Variants in FOXP1 observed in about 807,000 individuals in gnomAD.
FOXP1 encodes forkhead box P1, also known as forkhead box protein P1.
Under a neutral mutation model 98.2 loss-of-function variants are expected in FOXP1, and 15 were observed. The observed-to-expected ratio is 0.15, with a 90% CI of 0.10 to 0.24. The LOEUF (loss-of-function observed/expected upper bound fraction) is 0.24, where lower values mean the gene tolerates loss of function less well. FOXP1 is among the 10% of genes least tolerant of loss of function. The probability of loss-of-function intolerance (pLI) is 1.00; values close to 1 mark genes in which losing one functional copy is unlikely to be tolerated. For synonymous variants in FOXP1, 371 were observed against 314.5 expected (o/e 1.18, Z -1.90); for missense variants, 633 against 848.5 (o/e 0.75, Z 3.15).
chr3:71,560,433 G>T (rs1429430471), intron 2 of FOXP1, among the ~76,000 whole-genome samples: 1 of 152,154 alleles, frequency 6.6e-6, no homozygotes, highest in African/African-American at 2.4e-5. Context: ...GGAGACACTG[G>T]AACCCTTATA....
At chr3:71,232,815 T>C (rs1044324710) in intron 5 of FOXP1, among the ~76,000 whole-genome samples, 5 of 133,844 alleles carry the variant, frequency 3.7e-5, no homozygotes, top group Non-Finnish European at 6.1e-5. Flanking sequence ...GGAAGATCTC[T>C]TGAGCCCTGG....
rs1352622718 is a variant in FOXP1, at chr3:71,046,989, G to T, written c.617C>A (p.Thr206Lys). ...LLSLQRQGLL[T>K]IQPGQPALPL... ...AAGGGCAGGCTGCCCGGGCTGAATT[G>T]TCAGAAGGCCTTGGCGCTGCAAAGA... The change falls in exon 10 of 21, where the codon ACA becomes AAA. Residue 206 changes from threonine (T) to lysine (K), a missense_variant. By Grantham distance (78) the Thr-to-Lys change is moderately conservative. This residue lies in a region of FOXP1 where 210 missense variants were observed against 270.6 expected (regional missense o/e 0.78). Transcript: ENST00000649528. The T allele has an allele frequency of 6.2e-7, 1 of 1,613,998 alleles. No homozygotes were observed. Among genetic ancestry groups the T allele is most frequent in the African/African-American group, 1.3e-5 (1 of 74,912 alleles).
At chr3:71,214,729 G>A (rs1171728091) in intron 5 of FOXP1, among the ~76,000 whole-genome samples, 2 of 152,094 alleles carry the variant, frequency 1.3e-5, no homozygotes, top group African/African-American at 2.4e-5. Context: ...TGTTGATCAC[G>A]TTCTCCCCCA....
In FOXP1 at chr3:70,958,480, CAGAA is replaced by C; in HGVS notation, c.*763_*766del. The C allele has an allele frequency of 2.5e-6, 1 of 392,994 alleles. No individual in the cohort carries two copies. Among genetic ancestry groups the C allele is most frequent in the Non-Finnish European group, 4.9e-6 (1 of 204,288 alleles). The allele number at this position is 392,994 out of a possible 1,614,324, so 24.3% of individuals were successfully genotyped here. A position where few individuals can be genotyped will look rare whatever the true frequency, so the allele number is the denominator to read the frequency against. ...GTCTGAAGGAAGATGGAATGAGTGA[CAGAA>C]AGCTACAAACGAGAAATGACATTCA... On this transcript the variant is annotated 3_prime_UTR_variant, in exon 21 of 21. Coordinates refer to ENST00000649528, the MANE Select transcript of FOXP1 (RefSeq NM_001349338.3).
intron 3 of FOXP1, among the ~76,000 whole-genome samples, chr3:71,428,971 A>G (rs1423787257): frequency 1.3e-5 from 2 of 152,184 alleles, no homozygotes; most frequent in African/African-American, 4.8e-5. Context: ...AATCAATAAA[A>G]CATCCCTTTG....
At chr3:71,330,270 C>T (rs1577002918) in intron 4 of FOXP1, among the ~76,000 whole-genome samples, 2 of 152,280 alleles carry the variant, frequency 1.3e-5, no homozygotes, top group Admixed American at 1.3e-4. Context: ...GCACAATGAT[C>T]CCACATTTTT....
chr3:71,343,724 A>G (rs2077153811), intron 4 of FOXP1, among the ~76,000 whole-genome samples: 1 of 151,880 alleles, frequency 6.6e-6, no homozygotes, highest in South Asian at 2.1e-4. Context: ...TAGAGATGCG[A>G]TTTCACAAAG....
rs186212710 is a variant in FOXP1, at chr3:71,530,155, G to A, written c.-297-36600C>T. 9.2e-5 allele frequency among the ~76,000 whole-genome samples: 14 copies of A among 152,258 alleles called. No homozygotes were observed. In the East Asian group the frequency reaches 1.7e-3, roughly 19 times the overall value. On this transcript the variant is annotated intron_variant, in intron 2 of 20. Transcript: ENST00000649528. ...TGAATGCATCTCCCTAAGTTTATGC[G>A]TAGAATCTTAATCCCCAGTGCAACA...
Position 71,145,889 on chromosome 3 carries a change from C to T in FOXP1, c.181-33252G>A, listed in dbSNP as rs577715770. Among the ~76,000 whole-genome samples the T allele has an allele frequency of 5.9e-5, 9 of 152,264 alleles. No homozygotes were observed. The South Asian group carries it at 8.3e-4, about 14-fold the overall frequency. ...GAAGGTTCTTTATATATTCTGTACA[C>T]GAGTCCCTTGCTGGAGAAATGATTT... On this transcript the variant is annotated intron_variant, in intron 6 of 20. Transcript: ENST00000649528.
At chr3:71,352,216 A>C (rs2077829089) in intron 4 of FOXP1, among the ~76,000 whole-genome samples, 2 of 152,180 alleles carry the variant, frequency 1.3e-5, no homozygotes, top group South Asian at 4.1e-4. Context: ...CTGTAATCTC[A>C]GCACTTTGGG....
In FOXP1 at chr3:71,397,086, GTATATATATATATACATA is replaced by G. The variant is rs1560425787; in HGVS notation, c.-167-37860_-167-37843del. ...TGTATATATATATACATATATATGTGTATATATATATATACATATATATATATGTGTATATATACACAT... is the reference window on the plus strand; with the variant it reads ...TGTATATATATATACATATATATGTGTATATATATGTGTATATATACACAT... On this transcript the variant is annotated intron_variant, in intron 3 of 20. Coordinates refer to ENST00000649528, the MANE Select transcript of FOXP1 (RefSeq NM_001349338.3). Among the ~76,000 whole-genome samples the G allele has an allele frequency of 2.4e-4, 12 of 49,680 alleles. 1 individual carries two copies. The highest frequency in any genetic ancestry group is 8.7e-4 in the African/African-American group (11 of 12,666). 32.6% of individuals were successfully genotyped at this position (49,680 alleles called of 152,430 possible).
intron 2 of FOXP1, among the ~76,000 whole-genome samples, chr3:71,563,421 T>C (rs1380764136): frequency 6.6e-6 from 1 of 152,214 alleles, no homozygotes; most frequent in East Asian, 1.9e-4. Flanking sequence ...GATCGGCAAC[T>C]GGCTGAGAAC....
intron 6 of FOXP1, among the ~76,000 whole-genome samples, chr3:71,135,292 A>G (rs2059769502): frequency 6.7e-6 from 1 of 149,800 alleles, no homozygotes. Context: ...ATAATCCCCT[A>G]TTAAGAAGAA....
intron 6 of FOXP1, among the ~76,000 whole-genome samples, chr3:71,128,613 T>A (rs2059378650): frequency 6.6e-6 from 1 of 152,160 alleles, no homozygotes; most frequent in Admixed American, 6.5e-5. Flanking sequence ...ATGTTTAGCT[T>A]TAAACATCAG....
In FOXP1 at chr3:71,389,247, G is replaced by C. The variant is rs1174148068; in HGVS notation, c.-167-30003C>G. Among the ~76,000 whole-genome samples the C allele has an allele frequency of 8.6e-5, 5 of 58,312 alleles. 1 individual carries two copies. The highest frequency in any genetic ancestry group is 5.5e-4 in the East Asian group (1 of 1,834). 38.3% of individuals were successfully genotyped at this position (58,312 alleles called of 152,430 possible). A position where few individuals can be genotyped will look rare whatever the true frequency, so the allele number is the denominator to read the frequency against. ...CTATATCTGTAAGCGGCGGGGGGGG[G>C]GGGGGCCGGGGGGGGCGGGTTATAA... On this transcript the variant is annotated intron_variant, in intron 3 of 20. Coordinates refer to ENST00000649528, the MANE Select transcript of FOXP1 (RefSeq NM_001349338.3).
intron 4 of FOXP1, among the ~76,000 whole-genome samples, chr3:71,312,004 C>T (rs139491108): frequency 3.8e-4 from 58 of 152,300 alleles, no homozygotes; most frequent in Admixed American, 9.8e-4. Flanking sequence ...GAAAAGCCTA[C>T]GTAATTTAAA....
chr3:70,969,863 G>A (rs1456487160), intron 19 of FOXP1: 2 of 138,530 alleles, frequency 1.4e-5, no homozygotes, highest in African/African-American at 2.8e-5. Context: ...TTCTCGAACA[G>A]TCTGGGTAGG....
At chr3:71,101,236 C>T (rs369014426) in intron 7 of FOXP1, among the ~76,000 whole-genome samples, 3 of 152,076 alleles carry the variant, frequency 2.0e-5, no homozygotes, top group East Asian at 3.9e-4. Context: ...CAAAAGGGAT[C>T]TGCTGGATTA....
At chr3:71,087,278 G>C (rs2055225936) in intron 7 of FOXP1, among the ~76,000 whole-genome samples, 1 of 152,194 alleles carries the variant, frequency 6.6e-6, no homozygotes, top group African/African-American at 2.4e-5. Flanking sequence ...TCAGAGAACA[G>C]AACTCATGTG....
Sources: allele counts gnomAD v4.1 joint callset (sites outside exome capture counted in the v4.1 genomes callset), GRCh38; gene constraint gnomAD v4.1.1; regional missense constraint gnomAD v4.1.1; transcripts MANE v1.5; gene names NCBI Gene and HGNC (gene_info 2026-07-23, HGNC 2026-07-21).